HFM1: variants seen among roughly 807,000 people sequenced by gnomAD.
HFM1 encodes the protein probable ATP-dependent DNA helicase HFM1.
A neutral mutation model predicts 192.1 loss-of-function variants in HFM1; 169 were observed. That is an observed-to-expected ratio of 0.88 (90% confidence interval 0.78 to 1.00). The LOEUF is 1.00. Among genes scored for constraint, HFM1 ranks in the 50% least tolerant of loss-of-function variants. The probability of loss-of-function intolerance (pLI) is 0.00; values close to 1 mark genes in which losing one functional copy is unlikely to be tolerated. For synonymous variants in HFM1, 525 were observed against 537.8 expected (o/e 0.98, Z 0.33); for missense variants, 1,661 against 1,668.0 (o/e 1.00, Z 0.07).
intron 30 of HFM1, among the ~76,000 whole-genome samples, chr1:91,310,846 C>T (rs1650341229): frequency 6.6e-6 from 1 of 152,222 alleles, no homozygotes; most frequent in African/African-American, 2.4e-5. Flanking sequence ...TACAATTAAA[C>T]CTCTTTTCCT....
intron 25 of HFM1, among the ~76,000 whole-genome samples, 186 bp downstream of exon 25, chr1:91,318,892 T>C (rs1015514095): frequency 1.2e-4 from 18 of 152,222 alleles, no homozygotes; most frequent in Non-Finnish European, 1.5e-5. Context: ...ATTCAGTTGA[T>C]TTCAAATGGA....
Position 91,262,584 on chromosome 1 carries a change from G to A in HFM1, c.3983C>T (p.Ser1328Leu). Residue 1328 changes from serine (S) to leucine (L), a missense_variant, in exon 37 of 39, where the codon TCA becomes TTA. Ser to Leu is a moderately radical substitution (Grantham distance 145). Transcript: ENST00000370425. Reference sequence around the variant, plus strand: ...AGAAATATCCGACATCTCATGTGATGAAACAAAACTAAAAATTAAAATTAA... The same window carrying A: ...AGAAATATCCGACATCTCATGTGATAAAACAAAACTAAAAATTAAAATTAA... ...FQREMSNSFV[S>L]SHEMSDISLS... 6.4e-7 allele frequency: 1 copy of A among 1,564,442 alleles called. No individual in the cohort carries two copies. Among genetic ancestry groups the A allele is most frequent in the Non-Finnish European group, 8.7e-7 (1 of 1,142,920 alleles).
intron 13 of HFM1, among the ~76,000 whole-genome samples, chr1:91,358,430 T>C (rs1658033410): frequency 6.6e-6 from 1 of 151,924 alleles, no homozygotes; most frequent in South Asian, 2.1e-4. Context: ...CAAAACAATA[T>C]AGTACTTGCA....
intron 6 of HFM1, among the ~76,000 whole-genome samples, chr1:91,383,701 G>C (rs1253422918): frequency 6.6e-6 from 1 of 150,936 alleles, no homozygotes; most frequent in Non-Finnish European, 1.5e-5. Context: ...GTGGATGCTA[G>C]AGCATTGCCA....
At chr1:91,362,791 AG>A (rs1191468789) in intron 13 of HFM1, among the ~76,000 whole-genome samples, 2 of 152,208 alleles carry the variant, frequency 1.3e-5, no homozygotes, top group African/African-American at 4.8e-5. Context: ...ATACTATTAT[AG>A]TAACCAAAAC....
intron 13 of HFM1, among the ~76,000 whole-genome samples, chr1:91,353,652 C>CAAAAAAAAAAAAA (rs1553213572): frequency 1.5e-5 from 1 of 65,428 alleles, no homozygotes; most frequent in African/African-American, 5.1e-5. Context: ...AGTAAATAAG[C>CAAAAAAAAAAAAA]AAAAAAAAAA....
intron 32 of HFM1, among the ~76,000 whole-genome samples, chr1:91,275,992 C>G (rs190537867): frequency 1.2e-4 from 18 of 152,298 alleles, no homozygotes; most frequent in Non-Finnish European, 1.9e-4. Context: ...TCAGCCTCAT[C>G]TCTCTCTACT....
chr1:91,291,573 G>T (rs908586903), intron 30 of HFM1, among the ~76,000 whole-genome samples: 2 of 152,008 alleles, frequency 1.3e-5, no homozygotes, highest in African/African-American at 2.4e-5. Flanking sequence ...GCTTACCAAC[G>T]AAAAAGAGTC....
At position 91,401,896 on chromosome 1, in the gene HFM1, G is replaced by A. The variant is rs78339114; in HGVS notation, c.-27-787C>T. 1.5e-3 allele frequency among the ~76,000 whole-genome samples: 217 copies of A among 148,678 alleles called. 3 individuals carry two copies. In the East Asian group the frequency reaches 0.023, roughly 16 times the overall value. On this transcript the variant is annotated intron_variant, in intron 1 of 38. Coordinates refer to ENST00000370425, the MANE Select transcript of HFM1 (RefSeq NM_001017975.6). Reference sequence around the variant, plus strand: ...TTGAACATAACAAAAATCTGGGGCTGAACAAAGATGCAAATGTGATTAAAA... The same window carrying A: ...TTGAACATAACAAAAATCTGGGGCTAAACAAAGATGCAAATGTGATTAAAA...
rs766198541 is a variant in HFM1, at chr1:91,261,373, G to T, written c.4239-14C>A. 1.6e-6 allele frequency: 2 copies of T among 1,285,702 alleles called. No individual in the cohort carries two copies. The highest frequency in any genetic ancestry group is 3.2e-5 in the Admixed American group (1 of 30,952). The allele number at this position is 1,285,702 out of a possible 1,614,324, so 79.6% of individuals were successfully genotyped here. A position where few individuals can be genotyped will look rare whatever the true frequency, so the allele number is the denominator to read the frequency against. On this transcript the variant is annotated splice_polypyrimidine_tract_variant and intron_variant, in intron 38 of 38. Coordinates refer to ENST00000370425, the MANE Select transcript of HFM1 (RefSeq NM_001017975.6). ...GGATGATACATACTGGGAGAAAGAA[G>T]AAAAAGTAAAAATAACTATTTTTTA...
At chr1:91,306,674 G>C (rs1360666262) in intron 30 of HFM1, among the ~76,000 whole-genome samples, 1 of 151,502 alleles carries the variant, frequency 6.6e-6, no homozygotes, top group Non-Finnish European at 1.5e-5. Context: ...TCCTTGTCAG[G>C]TTTTGACACA....
chr1:91,362,814 G>C (rs1658697086), intron 13 of HFM1, among the ~76,000 whole-genome samples: 1 of 152,080 alleles, frequency 6.6e-6, no homozygotes, highest in Admixed American at 6.6e-5. Context: ...GCATGGGGCT[G>C]GTACAAGAAC....
chr1:91,307,642 C>G (rs547452564), intron 30 of HFM1, among the ~76,000 whole-genome samples: 2 of 152,020 alleles, frequency 1.3e-5, no homozygotes, highest in African/African-American at 4.8e-5. Flanking sequence ...TTTGTAGAGA[C>G]AGGGTTTCAC....
chr1:91,278,612 T>C (rs953784887), intron 30 of HFM1, among the ~76,000 whole-genome samples: 1 of 152,186 alleles, frequency 6.6e-6, no homozygotes, highest in South Asian at 2.1e-4. Context: ...TTCGGTACCA[T>C]TGTTCAGTCA....
At chr1:91,317,975 C>A (rs1412224260) in intron 25 of HFM1, among the ~76,000 whole-genome samples, 4 of 152,136 alleles carry the variant, frequency 2.6e-5, no homozygotes, top group African/African-American at 9.6e-5. Context: ...GGACAGAATG[C>A]AATGGATGCC....
intron 4 of HFM1, among the ~76,000 whole-genome samples, chr1:91,388,545 C>T (rs2102078718): frequency 6.6e-6 from 1 of 152,144 alleles, no homozygotes; most frequent in Non-Finnish European, 1.5e-5. Context: ...ATCTGAATAT[C>T]TACATGCAAA....
intron 20 of HFM1, among the ~76,000 whole-genome samples, chr1:91,340,356 AG>A (rs2101619741): frequency 6.6e-6 from 1 of 152,336 alleles, no homozygotes; most frequent in South Asian, 2.1e-4. Context: ...TTTCATATCC[AG>A]CCAAAATAAG....
intron 20 of HFM1, among the ~76,000 whole-genome samples, chr1:91,342,366 T>C (rs143213286): frequency 2.8e-4 from 43 of 152,258 alleles, no homozygotes; most frequent in Admixed American, 4.6e-4. Flanking sequence ...ACAGGAAGAA[T>C]TCTTCTGGCC....
intron 20 of HFM1, chr1:91,329,329 A>C: frequency 1.2e-6 from 2 of 1,605,742 alleles, no homozygotes; most frequent in Non-Finnish European, 8.5e-7. Flanking sequence ...CAGTTCTCTG[A>C]GGAGCGAATC....
Sources: gnomAD v4.1 joint callset for allele counts (sites outside exome capture counted in the v4.1 genomes callset) on GRCh38, gnomAD v4.1.1 for gene constraint, MANE v1.5 for transcripts, NCBI Gene and HGNC (gene_info 2026-07-23, HGNC 2026-07-21) for gene names.